The following MAN2B2 variants were observed in gnomAD, a reference collection of about 807,000 sequenced individuals.
MAN2B2 encodes the protein epididymis-specific alpha-mannosidase.
MAN2B2 carries 106 observed loss-of-function variants against 117.1 expected under a neutral mutation model. The observed-to-expected ratio is 0.90, with a 90% CI of 0.77 to 1.06. MAN2B2 has a LOEUF of 1.06. MAN2B2 is among the 50% of genes least tolerant of loss of function. MAN2B2 has a pLI of 0.00. For missense variants in MAN2B2, 1,326 were observed against 1,381.4 expected, an observed-to-expected ratio of 0.96 and a Z score of 0.64; for synonymous variants, 544 against 595.1, an observed-to-expected ratio of 0.91 and a Z score of 1.25.
intron 17 of MAN2B2, chr4:6,617,846 A>AT: frequency 8.3e-5 from 9 of 108,288 alleles, no homozygotes; most frequent in South Asian, 4.1e-4. Flanking sequence ...ACGATGGCTA[A>AT]GTTTTTTTTT....
chr4:6,600,469 C>G (rs1727283250), intron 9 of MAN2B2, among the ~76,000 whole-genome samples, 154 bp from the exon 10 acceptor site: 1 of 152,246 alleles, frequency 6.6e-6, no homozygotes, highest in East Asian at 1.9e-4. Flanking sequence ...GTGGGAAACA[C>G]CTGTTGGCCT....
chr4:6,576,676 T>G lies in MAN2B2; in HGVS notation c.237T>G (p.Phe79Leu), dbSNP rs1484281736. Residue 79 changes from phenylalanine (F) to leucine (L), a missense_variant, in exon 2 of 19, where the codon TTT becomes TTG. By Grantham distance (22) the Phe-to-Leu change is conservative. Coordinates refer to ENST00000285599, the MANE Select transcript of MAN2B2 (RefSeq NM_015274.3). ...QRRFIAVEQE[F>L]FRLWWDGVAS... ...GGTTCATCGCTGTGGAGCAGGAGTT[T>G]TTCCGGCTGTGGTGGGATGGCGTCG... 16 of 1,613,848 alleles carry G rather than the reference T, an allele frequency of 9.9e-6. No homozygotes were observed. Among genetic ancestry groups the G allele is most frequent in the African/African-American group, 1.3e-5 (1 of 74,918 alleles).
chr4:6,615,711 G>C lies in MAN2B2; in HGVS notation c.2701+1356G>C, dbSNP rs528266682. On this transcript the variant is annotated intron_variant, in intron 16 of 18. Transcript: ENST00000285599. ...GCTACTCAGGAGGCTGAGGTGAAAG[G>C]ATCACTTGAGGCCAGGAGTTCAAGG... Among the ~76,000 whole-genome samples the C allele has an allele frequency of 7.9e-5, 12 of 152,234 alleles. No individual in the cohort carries two copies. The South Asian group carries it at 2.1e-3, about 26-fold the overall frequency.
At position 6,587,102 on chromosome 4, in the gene MAN2B2, G is replaced by A. The variant is rs565418990; in HGVS notation, c.498G>A (p.Ala166=). 18 of 1,613,966 alleles carry A rather than the reference G, an allele frequency of 1.1e-5. No individual in the cohort carries two copies. The highest frequency in any genetic ancestry group is 8.3e-5 in the Admixed American group (5 of 60,022). The change falls in exon 4 of 19, where the codon GCG becomes GCA. Residue 166 remains alanine, a synonymous_variant. Coordinates refer to ENST00000285599, the MANE Select transcript of MAN2B2 (RefSeq NM_015274.3). ...SATTPTLFAL[A]GFNAHLGSRI... Reference sequence around the variant, plus strand: ...CGACGCCCACCCTATTTGCGCTGGCGGGCTTCAATGCCCACCTCGGCTCCC... The same window carrying A: ...CGACGCCCACCCTATTTGCGCTGGCAGGCTTCAATGCCCACCTCGGCTCCC...
chr4:6,615,193 C>G (rs369406644), intron 16 of MAN2B2, among the ~76,000 whole-genome samples: 2 of 152,300 alleles, frequency 1.3e-5, no homozygotes, highest in African/African-American at 4.8e-5. Flanking sequence ...CCCAGGAGTT[C>G]AAGACCAGCC....
Position 6,575,343 on chromosome 4 carries a change from G to C in MAN2B2, c.133G>C (p.Val45Leu). ...CATGGACGTGGGCTGGGTCTACACT[G>C]TGCAGGTAGGTGCCGACCACGCCCC... Reference protein sequence around the residue: ...SHMDVGWVYTVQESMRAYAAN... With the variant: ...SHMDVGWVYTLQESMRAYAAN... Residue 45 changes from valine to leucine, a missense_variant, in exon 1 of 19, where the codon GTG becomes CTG. Physicochemically the swap from Val to Leu is conservative, Grantham distance 32. Coordinates refer to ENST00000285599, the MANE Select transcript of MAN2B2 (RefSeq NM_015274.3). The C allele has an allele frequency of 6.5e-7, 1 of 1,550,160 alleles. No homozygotes were observed. The highest frequency in any genetic ancestry group is 8.7e-7 in the Non-Finnish European group (1 of 1,150,342).
At chr4:6,600,851 C>T (rs1727300615) in intron 10 of MAN2B2, 95 bp downstream of exon 10, 5 of 1,438,800 alleles carry the variant, frequency 3.5e-6, no homozygotes, top group African/African-American at 1.4e-5. Flanking sequence ...CAAGGGAGGC[C>T]TTATCACCTT....
rs144361580 is a variant in MAN2B2 at position 6,612,419 on chromosome 4, A to G, written c.2563+1141A>G. ...CAGGGATCAGGTCCAGGGGGTGTCA[A>G]TTAAGGTTCTTTGGAAGTAACAGAG... is the stretch of plus-strand genomic sequence containing the variant. On this transcript the variant is annotated intron_variant, in intron 15 of 18. Coordinates refer to ENST00000285599, the MANE Select transcript of MAN2B2 (RefSeq NM_015274.3). Among the ~76,000 whole-genome samples, 26 of 152,324 alleles carry G rather than the reference A, an allele frequency of 1.7e-4. No individual in the cohort carries two copies. In the East Asian group the frequency reaches 5.0e-3, roughly 29 times the overall value.
At chr4:6,595,900 C>A (rs1727057999) in intron 7 of MAN2B2, among the ~76,000 whole-genome samples, 1 of 152,174 alleles carries the variant, frequency 6.6e-6, no homozygotes, top group Admixed American at 6.5e-5. Context: ...TGCATAGTCC[C>A]CGGCTCCTGC....
intron 5 of MAN2B2, among the ~76,000 whole-genome samples, chr4:6,591,308 G>A (rs1726851930): frequency 6.6e-6 from 1 of 152,222 alleles, no homozygotes; most frequent in Non-Finnish European, 1.5e-5. Context: ...AATGGTAGAT[G>A]GTTGAATACA....
In MAN2B2 at chr4:6,610,994, G is replaced by C; in HGVS notation, c.2370+4G>C. 1 of 1,614,146 alleles carries C rather than the reference G, an allele frequency of 6.2e-7. No individual in the cohort carries two copies. Among genetic ancestry groups the C allele is most frequent in the Non-Finnish European group, 8.5e-7 (1 of 1,179,994 alleles). On this transcript the variant is annotated splice_donor_region_variant and intron_variant, in intron 14 of 18. Transcript: ENST00000285599. ...CCAAGGGAATGGGCAGGTGGAGGTA[G>C]GAGGCACGGTCTGTCCTACAGCAGC...
chr4:6,595,109 G>A (rs548917966), intron 7 of MAN2B2, among the ~76,000 whole-genome samples: 1 of 152,282 alleles, frequency 6.6e-6, no homozygotes, highest in East Asian at 1.9e-4. Flanking sequence ...GCTGACTCGG[G>A]CTTCCTTTCA....
intron 1 of MAN2B2, 36 bp from the exon 2 acceptor site, chr4:6,576,542 T>C: frequency 6.3e-7 from 1 of 1,595,142 alleles, no homozygotes; most frequent in African/African-American, 1.3e-5. Flanking sequence ...TTGGTCTTGT[T>C]GGACCGGGGC....
intron 13 of MAN2B2, 151 bp downstream of exon 13, chr4:6,610,201 G>A (rs758996192): frequency 1.7e-5 from 20 of 1,190,248 alleles, no homozygotes; most frequent in Non-Finnish European, 2.3e-5. Context: ...CTGTCACCCA[G>A]GCTGGGGCGC....
intron 10 of MAN2B2, among the ~76,000 whole-genome samples, chr4:6,603,789 G>A (rs993125700): frequency 6.6e-6 from 1 of 152,094 alleles, no homozygotes; most frequent in African/African-American, 2.4e-5. Flanking sequence ...AAGTTGCAGG[G>A]GCTGGGGACA....
chr4:6,581,572 T>C (rs1482613180), intron 3 of MAN2B2, among the ~76,000 whole-genome samples: 7 of 151,904 alleles, frequency 4.6e-5, no homozygotes, highest in African/African-American at 1.7e-4. Flanking sequence ...CTCAGATATG[T>C]TGGGGTAAGA....
chr4:6,621,095 C>A, intron 18 of MAN2B2, 93 bp from the exon 19 acceptor site: 1 of 871,272 alleles, frequency 1.1e-6, no homozygotes, highest in Non-Finnish European at 1.9e-6. Context: ...AGGCTGGGAG[C>A]CACAGCAGAC....
chr4:6,621,303 C>A lies in MAN2B2; in HGVS notation c.*18C>A. The A allele has an allele frequency of 6.3e-7, 1 of 1,596,298 alleles. No individual in the cohort carries two copies. Among genetic ancestry groups the A allele is most frequent in the Non-Finnish European group, 8.6e-7 (1 of 1,164,276 alleles). On this transcript the variant is annotated 3_prime_UTR_variant, in exon 19 of 19. Coordinates refer to ENST00000285599, the MANE Select transcript of MAN2B2 (RefSeq NM_015274.3). ...AGCAGTGAGCCCTGGGCAGATGCCC[C>A]GGCCCCAGGGCTTCCCCCAGGAACT...
intron 12 of MAN2B2, 150 bp from the exon 13 acceptor site, chr4:6,609,648 T>C (rs1250697656): frequency 5.1e-6 from 5 of 973,764 alleles, no homozygotes; most frequent in Non-Finnish European, 7.6e-6. Context: ...GGGTCCTGGG[T>C]GGTGCTATTG....
Sources: gnomAD v4.1 joint callset for allele counts (sites outside exome capture counted in the v4.1 genomes callset) on GRCh38, gnomAD v4.1.1 for gene constraint, MANE v1.5 for transcripts, NCBI Gene and HGNC (gene_info 2026-07-23, HGNC 2026-07-21) for gene names.